The following EXOC5 variants were observed in gnomAD, a reference collection of about 807,000 sequenced individuals.
EXOC5 encodes the protein SEC10-like 1.
Under a neutral mutation model 90.8 loss-of-function variants are expected in EXOC5, and 17 were observed. The observed-to-expected ratio is 0.19, with a 90% CI of 0.13 to 0.28. EXOC5 has a LOEUF of 0.28. Among genes scored for constraint, EXOC5 ranks in the 10% least tolerant of loss-of-function variants. The pLI, the probability that EXOC5 is intolerant of heterozygous loss-of-function variation, is 1.00. For synonymous variants in EXOC5, 260 were observed against 270.0 expected, an observed-to-expected ratio of 0.96 and a Z score of 0.36; for missense variants, 569 against 830.6, an observed-to-expected ratio of 0.69 and a Z score of 3.87.
rs1882702272 is a variant in EXOC5, at chr14:57,207,754, T to C, written c.*855A>G. On this transcript the variant is annotated 3_prime_UTR_variant, in exon 18 of 18. Coordinates refer to ENST00000621441, the MANE Select transcript of EXOC5 (RefSeq NM_006544.4). ...CTGTCAGTATTTCCTATATGCACCA[T>C]TTAGACTATACCTCACTTTTTTTTA... is the stretch of plus-strand genomic sequence containing the variant. 1 of 152,110 alleles carries C rather than the reference T, an allele frequency of 6.6e-6. No homozygotes were observed. The highest frequency in any genetic ancestry group is 1.5e-5 in the Non-Finnish European group (1 of 68,002). 9.4% of individuals were successfully genotyped at this position (152,110 alleles called of 1,614,324 possible).
At chr14:57,218,115 A>G (rs1883025248) in intron 14 of EXOC5, 47 bp from the exon 15 acceptor site, 2 of 975,736 alleles carry the variant, frequency 2.0e-6, no homozygotes, top group East Asian at 5.0e-5. Context: ...ATAGTCTAAT[A>G]TTTTCTAAAA....
At position 57,202,542 on chromosome 14, in the gene EXOC5, T is replaced by G. The variant is rs1882537972; in HGVS notation, c.*6067A>C. 1 of 152,170 alleles carries G rather than the reference T, an allele frequency of 6.6e-6. No homozygotes were observed. Among genetic ancestry groups the G allele is most frequent in the Non-Finnish European group, 1.5e-5 (1 of 68,014 alleles). 9.4% of individuals were successfully genotyped at this position (152,170 alleles called of 1,614,324 possible). On this transcript the variant is annotated 3_prime_UTR_variant, in exon 18 of 18. Coordinates refer to ENST00000621441, the MANE Select transcript of EXOC5 (RefSeq NM_006544.4). ...AACCCTTCTGTTAAGTCTGATTGTTTCAAAAATTTTTCTTTAAAAAGCAGA... is the reference window on the plus strand; with the variant it reads ...AACCCTTCTGTTAAGTCTGATTGTTGCAAAAATTTTTCTTTAAAAAGCAGA...
intron 1 of EXOC5, among the ~76,000 whole-genome samples, chr14:57,248,734 T>C (rs1025464381): frequency 6.6e-6 from 1 of 152,134 alleles, no homozygotes; most frequent in Non-Finnish European, 1.5e-5. Flanking sequence ...TTTGAACTTT[T>C]ATATCTGCAA....
chr14:57,222,360 C>A lies in EXOC5; in HGVS notation c.1353G>T (p.Val451=), dbSNP rs1353160718. ...CAATATGCTCAATACATAAAAATTCCACAAGAATGGTAAAAATTCTGAAGG... is the reference window on the plus strand; with the variant it reads ...CAATATGCTCAATACATAAAAATTCAACAAGAATGGTAAAAATTCTGAAGG... ...RNAFRIFTIL[V]EFLCIEHIDY... Residue 451 remains valine, a synonymous_variant, in exon 13 of 18, where the codon GTG becomes GTT. Transcript: ENST00000621441. 6.2e-6 allele frequency: 10 copies of A among 1,601,398 alleles called. No individual in the cohort carries two copies. The highest frequency in any genetic ancestry group is 1.3e-5 in the African/African-American group (1 of 74,574).
intron 7 of EXOC5, among the ~76,000 whole-genome samples, chr14:57,234,835 G>T (rs546507111): frequency 6.6e-6 from 1 of 152,168 alleles, no homozygotes; most frequent in South Asian, 2.1e-4. Flanking sequence ...AAAATACTAG[G>T]ATTACAGGAG....
intron 15 of EXOC5, among the ~76,000 whole-genome samples, chr14:57,210,421 T>C (rs1355831737): frequency 2.6e-5 from 4 of 152,074 alleles, no homozygotes; most frequent in Admixed American, 2.0e-4. Flanking sequence ...GGACCAGAAG[T>C]GTTTTGGATT....
At position 57,235,886 on chromosome 14, in the gene EXOC5, C is replaced by A. The variant is rs60750816; in HGVS notation, c.560-66G>T. On this transcript the variant is annotated intron_variant, in intron 6 of 17. Transcript: ENST00000621441. ...CATCCACGTTATTTAAGAGTATCTA[C>A]ATTATTTACAAATATAATGACTATG... 2,024 of 759,180 alleles carry A rather than the reference C, an allele frequency of 2.7e-3. 31 individuals are homozygous for A. The African/African-American group carries it at 0.03, about 11-fold the overall frequency. 47.0% of individuals were successfully genotyped at this position (759,180 alleles called of 1,614,324 possible).
At chr14:57,235,916 T>C (rs1883643518) in intron 6 of EXOC5, 96 bp from the exon 7 acceptor site, 1 of 666,228 alleles carries the variant, frequency 1.5e-6, no homozygotes, top group East Asian at 2.8e-5. Context: ...ACTATGAATA[T>C]AGCTTTCTTT....
chr14:57,221,329 T>C (rs1883134157), intron 13 of EXOC5, among the ~76,000 whole-genome samples: 1 of 152,160 alleles, frequency 6.6e-6, no homozygotes, highest in South Asian at 2.1e-4. Flanking sequence ...CCAGGCCAGA[T>C]AAAAAGTCAT....
intron 15 of EXOC5, among the ~76,000 whole-genome samples, chr14:57,215,514 T>C (rs988458555): frequency 7.3e-5 from 11 of 151,550 alleles, no homozygotes; most frequent in African/African-American, 2.4e-4. Flanking sequence ...GTTCAGCATA[T>C]GCAGATCTAT....
intron 15 of EXOC5, among the ~76,000 whole-genome samples, chr14:57,216,487 C>G (rs927738646): frequency 6.6e-6 from 1 of 151,996 alleles, no homozygotes; most frequent in African/African-American, 2.4e-5. Flanking sequence ...ATAAATCCAT[C>G]CATTTATGGT....
rs896101108 is a variant in EXOC5 at position 57,204,015 on chromosome 14, T to G, written c.*4594A>C. 1 of 152,588 alleles carries G rather than the reference T, an allele frequency of 6.6e-6. No individual in the cohort carries two copies. Among genetic ancestry groups the G allele is most frequent in the Non-Finnish European group, 1.5e-5 (1 of 68,018 alleles). The allele number at this position is 152,588 out of a possible 1,614,324, so 9.5% of individuals were successfully genotyped here. A position where few individuals can be genotyped will look rare whatever the true frequency, so the allele number is the denominator to read the frequency against. On this transcript the variant is annotated 3_prime_UTR_variant, in exon 18 of 18. Coordinates refer to ENST00000621441, the MANE Select transcript of EXOC5 (RefSeq NM_006544.4). ...CTGAGGTTGACTGCTATGTGAAGTA[T>G]GATGTGATATATTCCTATTTAAACT...
chr14:57,250,860 A>T (rs1884168579), intron 1 of EXOC5, among the ~76,000 whole-genome samples: 1 of 150,780 alleles, frequency 6.6e-6, no homozygotes, highest in South Asian at 2.1e-4. Context: ...GAGATCTACA[A>T]TGTTTTTCTT....
In EXOC5 at chr14:57,205,205, A is replaced by T. The variant is rs1013504856; in HGVS notation, c.*3404T>A. 1.3e-5 allele frequency: 2 copies of T among 152,058 alleles called. No individual in the cohort carries two copies. The highest frequency in any genetic ancestry group is 4.8e-5 in the African/African-American group (2 of 41,440). 9.4% of individuals were successfully genotyped at this position (152,058 alleles called of 1,614,324 possible). A position where few individuals can be genotyped will look rare whatever the true frequency, so the allele number is the denominator to read the frequency against. On this transcript the variant is annotated 3_prime_UTR_variant, in exon 18 of 18. Coordinates refer to ENST00000621441, the MANE Select transcript of EXOC5 (RefSeq NM_006544.4). ...ATAATTATCTTTATTATGCAGCAAA[A>T]TTTTTTAAATTGCTAACTTTTAACT...
intron 1 of EXOC5, among the ~76,000 whole-genome samples, chr14:57,254,013 T>G (rs1884270419): frequency 1.3e-5 from 2 of 152,248 alleles, no homozygotes; most frequent in South Asian, 4.1e-4. Context: ...TAATGAAAAA[T>G]TTTAAATTCT....
rs949009668 is a variant in EXOC5, at chr14:57,205,777, T to A, written c.*2832A>T. ...AAAAAGAATGATCTACAATGTAATA[T>A]AAATTAACCTAATTTAAATTAGATT... On this transcript the variant is annotated 3_prime_UTR_variant, in exon 18 of 18. Transcript: ENST00000621441. 7 of 422,540 alleles carry A rather than the reference T, an allele frequency of 1.7e-5. No individual in the cohort carries two copies. Among genetic ancestry groups the A allele is most frequent in the African/African-American group, 1.5e-4 (7 of 47,640 alleles). 26.2% of individuals were successfully genotyped at this position (422,540 alleles called of 1,614,324 possible). A position where few individuals can be genotyped will look rare whatever the true frequency, so the allele number is the denominator to read the frequency against.
intron 1 of EXOC5, among the ~76,000 whole-genome samples, chr14:57,257,467 A>C (rs889910181): frequency 8.5e-5 from 13 of 152,218 alleles, no homozygotes; most frequent in African/African-American, 2.9e-4. Context: ...GAGATCTACG[A>C]GGAAGAAAGG....
intron 4 of EXOC5, among the ~76,000 whole-genome samples, chr14:57,241,963 C>T (rs900826242): frequency 6.6e-6 from 1 of 151,758 alleles, no homozygotes; most frequent in African/African-American, 2.4e-5. Flanking sequence ...GAAACCCCAT[C>T]TCTACTAAAA....
Position 57,268,725 on chromosome 14 carries a change from C to G in EXOC5, c.-77G>C, listed in dbSNP as rs552343604. ...TGCTGCGCCTCAGAGGCGCGGCGCA[C>G]AGGTCTCCGCTCGGCTCGCCAGCTC... On this transcript the variant is annotated 5_prime_UTR_variant, in exon 1 of 18. Coordinates refer to ENST00000621441, the MANE Select transcript of EXOC5 (RefSeq NM_006544.4). 2.2e-3 allele frequency: 3,357 copies of G among 1,521,802 alleles called. 7 individuals are homozygous for G. Among genetic ancestry groups the G allele is most frequent in the Non-Finnish European group, 2.8e-3 (3,227 of 1,140,318 alleles). 94.3% of individuals were successfully genotyped at this position (1,521,802 alleles called of 1,614,324 possible). A position where few individuals can be genotyped will look rare whatever the true frequency, so the allele number is the denominator to read the frequency against.
Sources: gnomAD v4.1 joint callset for allele counts (sites outside exome capture counted in the v4.1 genomes callset) on GRCh38, gnomAD v4.1.1 for gene constraint, MANE v1.5 for transcripts, NCBI Gene and HGNC (gene_info 2026-07-23, HGNC 2026-07-21) for gene names.